Variants in NTM observed in about 807,000 individuals in gnomAD.
The protein encoded by NTM is neurotrimin, also known as IgLON family member 2.
A neutral mutation model predicts 42.1 loss-of-function variants in NTM; 13 were observed. The observed-to-expected ratio is 0.31, with a 90% CI of 0.20 to 0.49. NTM has a LOEUF of 0.49. Ranked by LOEUF, NTM falls within the 20% of genes least tolerant of loss-of-function variation. NTM has a pLI of 0.99. For synonymous variants in NTM, 187 were observed against 179.2 expected, an observed-to-expected ratio of 1.04 and a Z score of -0.35; for missense variants, 373 against 452.8, an observed-to-expected ratio of 0.82 and a Z score of 1.60.
At chr11:131,701,704 T>G (rs2076089400) in intron 1 of NTM, among the ~76,000 whole-genome samples, 1 of 152,148 alleles carries the variant, frequency 6.6e-6, no homozygotes, top group Non-Finnish European at 1.5e-5. Flanking sequence ...CTGAGGGCCT[T>G]GTTATTTCTT....
intron 1 of NTM, among the ~76,000 whole-genome samples, chr11:131,397,213 T>C (rs2135644886): frequency 6.6e-6 from 1 of 152,328 alleles, no homozygotes; most frequent in South Asian, 2.1e-4. Context: ...TTTCTAGGCA[T>C]AATCCATCTT....
At chr11:131,558,570 G>A (rs957018460) in intron 1 of NTM, among the ~76,000 whole-genome samples, 3 of 152,002 alleles carry the variant, frequency 2.0e-5, no homozygotes, top group Admixed American at 1.3e-4. Context: ...TTTGGTATAC[G>A]CGCATTCTAT....
At chr11:131,457,371 C>T (rs1950986846) in intron 1 of NTM, among the ~76,000 whole-genome samples, 1 of 151,668 alleles carries the variant, frequency 6.6e-6, no homozygotes, top group East Asian at 1.9e-4. Flanking sequence ...GAGCACAAGC[C>T]GAGAAGCCAC....
At chr11:131,459,674 C>T (rs960820797) in intron 1 of NTM, among the ~76,000 whole-genome samples, 9 of 151,438 alleles carry the variant, frequency 5.9e-5, no homozygotes, top group East Asian at 1.9e-4. Context: ...AATCTAAGCA[C>T]GGTCCTGGGT....
intron 1 of NTM, among the ~76,000 whole-genome samples, chr11:131,665,814 C>T (rs1364849337): frequency 1.3e-5 from 2 of 152,216 alleles, no homozygotes; most frequent in East Asian, 3.8e-4. Flanking sequence ...GACAAATTCC[C>T]ACCCCACCGT....
At chr11:131,690,731 C>T (rs1304666877) in intron 1 of NTM, among the ~76,000 whole-genome samples, 3 of 152,182 alleles carry the variant, frequency 2.0e-5, no homozygotes, top group Admixed American at 2.0e-4. Context: ...GGGTGCTAAG[C>T]GTAGGCCGTG....
intron 1 of NTM, among the ~76,000 whole-genome samples, chr11:131,686,827 T>C (rs879483514): frequency 6.6e-6 from 1 of 152,158 alleles, no homozygotes; most frequent in Non-Finnish European, 1.5e-5. Context: ...TAGAAAATAA[T>C]TTCGGGCCTT....
At chr11:131,599,644 A>C (rs1006698563) in intron 1 of NTM, among the ~76,000 whole-genome samples, 9 of 152,234 alleles carry the variant, frequency 5.9e-5, no homozygotes, top group African/African-American at 2.2e-4. Flanking sequence ...CATAATGGTG[A>C]GCAGGAGAGA....
At chr11:132,039,828 C>T (rs188523743) in intron 2 of NTM, among the ~76,000 whole-genome samples, 173 of 144,332 alleles carry the variant, frequency 1.2e-3, no homozygotes, top group South Asian at 3.5e-3. Context: ...GCGCAGTTTC[C>T]GCACCAGTAA....
At chr11:132,133,691 C>T (rs528445204) in intron 2 of NTM, among the ~76,000 whole-genome samples, 3 of 152,126 alleles carry the variant, frequency 2.0e-5, no homozygotes, top group African/African-American at 4.8e-5. Context: ...ATGGTGAGAA[C>T]GAGGCCTAAC....
At chr11:131,911,747 G>A in intron 2 of NTM, 99 bp downstream of exon 2, 2 of 1,458,312 alleles carry the variant, frequency 1.4e-6, no homozygotes, top group Non-Finnish European at 9.5e-7. Flanking sequence ...CTGGGTTGGC[G>A]GAGAGGTCGC....
intron 6 of NTM, among the ~76,000 whole-genome samples, chr11:132,314,178 C>T (rs112287720): frequency 1.3e-5 from 2 of 151,206 alleles, no homozygotes; most frequent in Non-Finnish European, 3.0e-5. Flanking sequence ...ATCACCATCA[C>T]CATCATCATC....
At chr11:131,490,226 AACATGAGGCG>A (rs1954635273) in intron 1 of NTM, among the ~76,000 whole-genome samples, 1 of 152,182 alleles carries the variant, frequency 6.6e-6, no homozygotes, top group African/African-American at 2.4e-5. Flanking sequence ...ATCAAATGTC[AACATGAGGCG>A]TGGTGGGGCC....
intron 4 of NTM, among the ~76,000 whole-genome samples, chr11:132,231,924 A>C (rs1235730521): frequency 2.0e-5 from 3 of 151,996 alleles, no homozygotes; most frequent in Non-Finnish European, 4.4e-5. Flanking sequence ...CCCCCTGCCT[A>C]GCTAATGGAT....
chr11:131,837,531 C>G (rs562268568), intron 1 of NTM, among the ~76,000 whole-genome samples: 1 of 152,262 alleles, frequency 6.6e-6, no homozygotes, highest in Non-Finnish European at 1.5e-5. Flanking sequence ...CCCTTTTCTA[C>G]TTTGCGATTA....
chr11:132,054,263 T>C (rs1296349427), intron 2 of NTM, among the ~76,000 whole-genome samples: 1 of 152,080 alleles, frequency 6.6e-6, no homozygotes, highest in Non-Finnish European at 1.5e-5. Flanking sequence ...AGTGCAGTTT[T>C]AGCCTGCTGT....
rs760024208 is a variant in NTM, at chr11:131,982,885, GA to G, written c.167+71242del. Among the ~76,000 whole-genome samples the G allele has an allele frequency of 2.0e-5, 3 of 152,114 alleles. No homozygotes were observed. In the South Asian group the frequency reaches 6.2e-4, roughly 32 times the overall value. ...AAGGACCTGGTCTTGCCTTTCTGCA[GA>G]AAAACTTTCAGGATCAAATGGCTTA... On this transcript the variant is annotated intron_variant, in intron 2 of 8. Coordinates refer to ENST00000683400, the MANE Select transcript of NTM (RefSeq NM_001352005.2).
chr11:131,778,075 G>T (rs899752733), intron 1 of NTM, among the ~76,000 whole-genome samples: 1 of 152,320 alleles, frequency 6.6e-6, no homozygotes, highest in South Asian at 2.1e-4. Flanking sequence ...AACTGTCACA[G>T]CTCAGAAGTT....
chr11:132,215,800 G>A (rs2083729913), intron 4 of NTM, among the ~76,000 whole-genome samples: 2 of 152,236 alleles, frequency 1.3e-5, no homozygotes, highest in Admixed American at 1.3e-4. Context: ...ACTGGTTTGA[G>A]ATGGGCCGAT....
Sources: allele counts gnomAD v4.1 joint callset (sites outside exome capture counted in the v4.1 genomes callset), GRCh38; gene constraint gnomAD v4.1.1; transcripts MANE v1.5; gene names NCBI Gene and HGNC (gene_info 2026-07-23, HGNC 2026-07-21).